The following FHOD3 variants were observed in gnomAD, a reference collection of about 807,000 sequenced individuals.
FHOD3 encodes formin homology 2 domain containing 3.
In FHOD3, 90 loss-of-function variants were observed where a neutral mutation model predicts 173.0. The ratio of observed to expected loss-of-function variants is 0.52; its 90% CI spans 0.44 to 0.62. The LOEUF (loss-of-function observed/expected upper bound fraction) is 0.62. Ranked by LOEUF, FHOD3 falls within the 20% of genes least tolerant of loss-of-function variation. The probability of loss-of-function intolerance (pLI) is 0.00; values close to 1 mark genes in which losing one functional copy is unlikely to be tolerated. For missense variants in FHOD3, 1,945 were observed against 2,034.7 expected (o/e 0.96, Z 0.85); for synonymous variants, 828 against 823.0 (o/e 1.01, Z -0.10).
At chr18:36,452,261 C>T (rs2051901848) in intron 3 of FHOD3, among the ~76,000 whole-genome samples, 1 of 152,078 alleles carries the variant, frequency 6.6e-6, no homozygotes, top group Admixed American at 6.5e-5. Flanking sequence ...TAGAATCTAA[C>T]AGTAGTTTTT....
chr18:36,630,752 C>T (rs946486048), intron 10 of FHOD3, among the ~76,000 whole-genome samples: 19 of 151,994 alleles, frequency 1.3e-4, no homozygotes, highest in African/African-American at 4.1e-4. Context: ...TCTTGGCTGC[C>T]GATACTTTCA....
At chr18:36,651,446 T>C (rs1324080224) in intron 11 of FHOD3, among the ~76,000 whole-genome samples, 8 of 152,134 alleles carry the variant, frequency 5.3e-5, no homozygotes, top group Admixed American at 5.2e-4. Context: ...TAATATTTAA[T>C]GGACAAATTA....
intron 6 of FHOD3, among the ~76,000 whole-genome samples, chr18:36,593,837 C>T (rs376884466): frequency 1.6e-4 from 24 of 152,300 alleles, no homozygotes; most frequent in East Asian, 1.2e-3. Context: ...TTGCCCATAG[C>T]GGGATGGGGC....
At chr18:36,592,916 A>T (rs949708302) in intron 6 of FHOD3, among the ~76,000 whole-genome samples, 1 of 152,136 alleles carries the variant, frequency 6.6e-6, no homozygotes, top group African/African-American at 2.4e-5. Flanking sequence ...TCAGGCCTGG[A>T]GTGCAATATT....
At chr18:36,722,376 G>A (rs551654788) in intron 19 of FHOD3, among the ~76,000 whole-genome samples, 1 of 152,246 alleles carries the variant, frequency 6.6e-6, no homozygotes, top group Non-Finnish European at 1.5e-5. Flanking sequence ...CAGCTTCTAT[G>A]CCCCAAGTTA....
intron 1 of FHOD3, among the ~76,000 whole-genome samples, chr18:36,312,377 C>T (rs1027908159): frequency 6.6e-6 from 1 of 152,164 alleles, no homozygotes; most frequent in African/African-American, 2.4e-5. Flanking sequence ...TTTCTGACGA[C>T]CCCCTAGAGC....
chr18:36,489,279 C>T (rs975090347), intron 3 of FHOD3, among the ~76,000 whole-genome samples: 15 of 152,074 alleles, frequency 9.9e-5, no homozygotes, highest in Admixed American at 2.0e-4. Context: ...TCTTTTTGTG[C>T]CCTGCCAGTA....
In FHOD3 at chr18:36,429,619, TG is replaced by T. The variant is rs752980856; in HGVS notation, c.337+56877del. On this transcript the variant is annotated intron_variant, in intron 3 of 28. Transcript: ENST00000590592. The stretch of plus-strand genomic sequence containing the variant: ...AGCACAGATAAGGAATTCTTAGGAT[TG>T]GAGAACTAATCAGGAGATCAAGGTG... 1.1e-4 allele frequency among the ~76,000 whole-genome samples: 16 copies of T among 152,176 alleles called. No individual in the cohort carries two copies. The East Asian group carries it at 1.4e-3, about 13-fold the overall frequency.
At position 36,776,186 on chromosome 18, in the gene FHOD3, T is replaced by C. The variant is rs1454002968; in HGVS notation, c.4787-3262T>C. On this transcript the variant is annotated intron_variant, in intron 28 of 28. Coordinates refer to ENST00000590592, the MANE Select transcript of FHOD3 (RefSeq NM_001281740.3). ...GTTTTGTTCTCTTATGTCCCCAGCC[T>C]TTTTTTTTTTTTTGCTTTCTGGAAA... Among the ~76,000 whole-genome samples the C allele has an allele frequency of 2.9e-5, 4 of 138,108 alleles. No homozygotes were observed. The East Asian group carries it at 8.3e-4, about 29-fold the overall frequency. 90.6% of individuals were successfully genotyped at this position (138,108 alleles called of 152,430 possible).
intron 5 of FHOD3, among the ~76,000 whole-genome samples, chr18:36,541,913 G>A (rs1327347218): frequency 6.6e-6 from 1 of 152,104 alleles, no homozygotes; most frequent in Non-Finnish European, 1.5e-5. Flanking sequence ...AGATAACAAT[G>A]CTTTATGCTT....
chr18:36,762,207 A>C (rs765284090), intron 27 of FHOD3, among the ~76,000 whole-genome samples: 2 of 152,194 alleles, frequency 1.3e-5, no homozygotes, highest in Non-Finnish European at 2.9e-5. Flanking sequence ...GAAAAAATAA[A>C]TGCAGCTTTG....
At chr18:36,633,444 CCTATT>C (rs1408928688) in intron 10 of FHOD3, among the ~76,000 whole-genome samples, 1 of 152,182 alleles carries the variant, frequency 6.6e-6, no homozygotes, top group African/African-American at 2.4e-5. Context: ...TGCCTAACTA[CCTATT>C]CTAACACCAG....
intron 9 of FHOD3, among the ~76,000 whole-genome samples, chr18:36,624,882 G>A (rs1217314620): frequency 6.6e-6 from 1 of 152,202 alleles, no homozygotes; most frequent in East Asian, 1.9e-4. Context: ...CAAGCTTCTG[G>A]TAAAACTACA....
rs2053070461 is a variant in FHOD3, at chr18:36,468,325, A to G, written c.338-33607A>G. Among the ~76,000 whole-genome samples, 4 of 152,154 alleles carry G rather than the reference A, an allele frequency of 2.6e-5. 1 individual carries two copies. The South Asian group carries it at 8.3e-4, about 32-fold the overall frequency. On this transcript the variant is annotated intron_variant, in intron 3 of 28. Coordinates refer to ENST00000590592, the MANE Select transcript of FHOD3 (RefSeq NM_001281740.3). The stretch of plus-strand genomic sequence containing the variant: ...CAAGGCTGTTACGGAAAAATGTGGC[A>G]CTAAGAATAGCCAGCTAGACGTGGT...
chr18:36,704,804 G>A (rs1396135238), intron 17 of FHOD3, among the ~76,000 whole-genome samples: 1 of 152,158 alleles, frequency 6.6e-6, no homozygotes, highest in East Asian at 1.9e-4. Context: ...GGAGCCAGCA[G>A]CCCTGCGGAA....
rs1011740825 is a variant in FHOD3 at position 36,468,965 on chromosome 18, C to T, written c.338-32967C>T. On this transcript the variant is annotated intron_variant, in intron 3 of 28. Coordinates refer to ENST00000590592, the MANE Select transcript of FHOD3 (RefSeq NM_001281740.3). The stretch of plus-strand genomic sequence containing the variant: ...CTGGGGCTCAGGGAAGGAGAGGAGT[C>T]GGACAGTTAACAAGTAAACAAGCAA... Among the ~76,000 whole-genome samples the T allele has an allele frequency of 5.9e-5, 9 of 152,168 alleles. No individual in the cohort carries two copies. The South Asian group carries it at 6.2e-4, about 11-fold the overall frequency.
At chr18:36,315,374 G>C (rs1382148721) in intron 1 of FHOD3, among the ~76,000 whole-genome samples, 1 of 152,052 alleles carries the variant, frequency 6.6e-6, no homozygotes, top group East Asian at 1.9e-4. Flanking sequence ...GGCCACCCAA[G>C]AGCTCTGGAT....
intron 9 of FHOD3, among the ~76,000 whole-genome samples, chr18:36,623,526 T>C (rs1319706848): frequency 6.6e-6 from 1 of 152,238 alleles, no homozygotes; most frequent in East Asian, 1.9e-4. Context: ...ACATATGTGC[T>C]TAACTAAATG....
At position 36,753,320 on chromosome 18, in the gene FHOD3, A is replaced by G. The variant is rs114872851; in HGVS notation, c.4233-1799A>G. On this transcript the variant is annotated intron_variant, in intron 24 of 28. Coordinates refer to ENST00000590592, the MANE Select transcript of FHOD3 (RefSeq NM_001281740.3). ...GCTCTGAGGTGGGCTTTTTCAGGGA[A>G]TAACCAGGATTCCAGTGTAACTAGA... 3.2e-3 allele frequency among the ~76,000 whole-genome samples: 490 copies of G among 152,306 alleles called. 4 individuals carry two copies. Among genetic ancestry groups the G allele is most frequent in the African/African-American group, 0.011 (467 of 41,562 alleles).
Sources: gnomAD v4.1 joint callset for allele counts (sites outside exome capture counted in the v4.1 genomes callset) on GRCh38, gnomAD v4.1.1 for gene constraint, MANE v1.5 for transcripts, NCBI Gene and HGNC (gene_info 2026-07-23, HGNC 2026-07-21) for gene names.